Variants in FBXW11 observed in about 807,000 individuals in gnomAD.
FBXW11 encodes F-box and WD repeat domain containing 11, also known as F-box/WD repeat-containing protein 11.
FBXW11 carries 19 observed loss-of-function variants against 77.6 expected under a neutral mutation model. That is an observed-to-expected ratio of 0.24 (90% CI 0.17 to 0.36). The LOEUF is 0.36. Among genes scored for constraint, FBXW11 ranks in the 10% least tolerant of loss-of-function variants. FBXW11 has a pLI of 1.00. For synonymous variants in FBXW11, 235 were observed against 249.4 expected, an observed-to-expected ratio of 0.94 and a Z score of 0.54; for missense variants, 334 against 704.2, an observed-to-expected ratio of 0.47 and a Z score of 5.95.
In FBXW11 at chr5:171,925,321, T is replaced by C. The variant is rs189268596; in HGVS notation, c.148-10916A>G. Among the ~76,000 whole-genome samples, 211 of 152,342 alleles carry C rather than the reference T, an allele frequency of 1.4e-3. 1 individual carries two copies. The highest frequency in any genetic ancestry group is 5.0e-3 in the African/African-American group (206 of 41,580). ...CTTTTCAGTTTGCTTTCAATTCTAATTTCATCAAAAGATATTTTCACACCT... is the reference window on the plus strand; with the variant it reads ...CTTTTCAGTTTGCTTTCAATTCTAACTTCATCAAAAGATATTTTCACACCT... On this transcript the variant is annotated intron_variant, in intron 2 of 13. Coordinates refer to ENST00000517395, the MANE Select transcript of FBXW11 (RefSeq NM_001378974.1).
Position 171,936,166 on chromosome 5 carries a change from A to C in FBXW11, c.147+21431T>G, listed in dbSNP as rs530737817. On this transcript the variant is annotated intron_variant, in intron 2 of 13. Transcript: ENST00000517395. ...CAAGTCTGAAGATAACAGAAGAATC[A>C]CATGTCATATTCAGACAAAGAAATA... is the stretch of plus-strand genomic sequence containing the variant. Among the ~76,000 whole-genome samples the C allele has an allele frequency of 7.3e-5, 11 of 151,682 alleles. No homozygotes were observed. The South Asian group carries it at 2.1e-3, about 29-fold the overall frequency.
intron 12 of FBXW11, 60 bp from the exon 13 acceptor site, chr5:171,868,856 A>G (rs559880837): frequency 2.0e-6 from 3 of 1,477,024 alleles, no homozygotes; most frequent in South Asian, 2.6e-5. Context: ...ATATCTCACA[A>G]TGAGAAACTG....
chr5:171,929,959 C>T (rs1410372707), intron 2 of FBXW11, among the ~76,000 whole-genome samples: 3 of 152,184 alleles, frequency 2.0e-5, no homozygotes, highest in African/African-American at 4.8e-5. Flanking sequence ...AAAGCTCAAG[C>T]TCTCAGTATA....
intron 1 of FBXW11, among the ~76,000 whole-genome samples, chr5:172,000,944 A>C (rs911523394): frequency 1.3e-5 from 2 of 152,212 alleles, no homozygotes; most frequent in Non-Finnish European, 2.9e-5. Context: ...GCAAACCTGC[A>C]CCAACTGATG....
chr5:171,902,628 A>G lies in FBXW11; in HGVS notation c.437-2528T>C, dbSNP rs530201210. ...TTAAAACCAGGAAGTCTGCTCATCAATCATCTCTGGTGCTATCATGCAAGA... is the reference window on the plus strand; with the variant it reads ...TTAAAACCAGGAAGTCTGCTCATCAGTCATCTCTGGTGCTATCATGCAAGA... On this transcript the variant is annotated intron_variant, in intron 4 of 13. Transcript: ENST00000517395. 5.3e-5 allele frequency among the ~76,000 whole-genome samples: 8 copies of G among 152,178 alleles called. 1 individual carries two copies. In the South Asian group the frequency reaches 6.2e-4, roughly 12 times the overall value.
chr5:171,889,075 A>C (rs1037897285), intron 7 of FBXW11, among the ~76,000 whole-genome samples: 1 of 152,174 alleles, frequency 6.6e-6, no homozygotes, highest in African/African-American at 2.4e-5. Context: ...ATTGGTACAG[A>C]AAAAAATATT....
chr5:171,989,681 G>A (rs961279054), intron 1 of FBXW11, among the ~76,000 whole-genome samples: 1 of 152,206 alleles, frequency 6.6e-6, no homozygotes, highest in Non-Finnish European at 1.5e-5. Flanking sequence ...TCTTAAAAAA[G>A]AGTACAAGAA....
At chr5:171,867,536 A>G (rs1345962271) in intron 13 of FBXW11, among the ~76,000 whole-genome samples, 1 of 150,942 alleles carries the variant, frequency 6.6e-6, no homozygotes, top group Non-Finnish European at 1.5e-5. Flanking sequence ...GCCCCTGGTT[A>G]TATAGTTTCT....
intron 7 of FBXW11, among the ~76,000 whole-genome samples, chr5:171,882,101 T>C (rs1443978896): frequency 2.0e-5 from 3 of 152,256 alleles, no homozygotes; most frequent in African/African-American, 7.2e-5. Flanking sequence ...ACTCTTTTAT[T>C]CTGCTTACTA....
In FBXW11 at chr5:171,893,421, C is replaced by CAAAAAAAAAAAAAAAAAAAAAAAA. The variant is rs397999920; in HGVS notation, c.715-1841_715-1818dup. On this transcript the variant is annotated intron_variant, in intron 6 of 13. Transcript: ENST00000517395. Reference sequence around the variant, plus strand: ...GACATACAAAAGCACACTTCAAAACCAAAAAAAAAAAAAAAAAAAAAAAAA... The same window carrying CAAAAAAAAAAAAAAAAAAAAAAAA: ...GACATACAAAAGCACACTTCAAAACCAAAAAAAAAAAAAAAAAAAAAAAAAAAAAAAAAAAAAAAAAAAAAAAAA... Among the ~76,000 whole-genome samples the CAAAAAAAAAAAAAAAAAAAAAAAA allele has an allele frequency of 1.5e-3, 60 of 39,838 alleles. 17 individuals carry two copies. Among genetic ancestry groups the CAAAAAAAAAAAAAAAAAAAAAAAA allele is most frequent in the Admixed American group, 4.3e-3 (8 of 1,844 alleles). The allele number at this position is 39,838 out of a possible 152,430, so 26.1% of individuals were successfully genotyped here. A position where few individuals can be genotyped will look rare whatever the true frequency, so the allele number is the denominator to read the frequency against.
chr5:171,939,696 CAAA>C lies in FBXW11; in HGVS notation c.147+17898_147+17900del, dbSNP rs58051402. ...TGGGCTACACAGCAAGACCCTGTCT[CAAA>C]AAAAAAAAAAAAAAAAAAAGAAAGA... On this transcript the variant is annotated intron_variant, in intron 2 of 13. Transcript: ENST00000517395. Among the ~76,000 whole-genome samples, 454 of 80,062 alleles carry C rather than the reference CAAA, an allele frequency of 5.7e-3. 3 individuals carry two copies. Among genetic ancestry groups the C allele is most frequent in the African/African-American group, 0.018 (427 of 23,568 alleles). The allele number at this position is 80,062 out of a possible 152,430, so 52.5% of individuals were successfully genotyped here. A position where few individuals can be genotyped will look rare whatever the true frequency, so the allele number is the denominator to read the frequency against.
chr5:171,985,268 T>C (rs1380466451), intron 1 of FBXW11, among the ~76,000 whole-genome samples: 1 of 152,148 alleles, frequency 6.6e-6, no homozygotes, highest in African/African-American at 2.4e-5. Flanking sequence ...GCTCTAATGT[T>C]CACAGTCACC....
chr5:171,945,426 A>C (rs568920692), intron 2 of FBXW11, among the ~76,000 whole-genome samples: 1 of 152,356 alleles, frequency 6.6e-6, no homozygotes, highest in South Asian at 2.1e-4. Context: ...CACTACATAG[A>C]AGGTAGATAC....
chr5:171,925,773 A>G (rs1441314988), intron 2 of FBXW11, among the ~76,000 whole-genome samples: 1 of 152,190 alleles, frequency 6.6e-6, no homozygotes, highest in African/African-American at 2.4e-5. Context: ...TCATGTAGTG[A>G]TTACAGTTCC....
chr5:171,921,565 C>G (rs182934912), intron 2 of FBXW11, among the ~76,000 whole-genome samples: 1 of 152,094 alleles, frequency 6.6e-6, no homozygotes, highest in Non-Finnish European at 1.5e-5. Flanking sequence ...TAAAACAAAG[C>G]TGAATTGAGA....
At chr5:171,981,178 G>C (rs1322972263) in intron 1 of FBXW11, among the ~76,000 whole-genome samples, 1 of 151,818 alleles carries the variant, frequency 6.6e-6, no homozygotes, top group Non-Finnish European at 1.5e-5. Flanking sequence ...GCAGGGTTCA[G>C]AGAACTTCTG....
intron 3 of FBXW11, 28 bp from the exon 4 acceptor site, chr5:171,910,825 A>C (rs377529957): frequency 1.4e-6 from 2 of 1,442,770 alleles, no homozygotes; most frequent in Non-Finnish European, 1.9e-6. Flanking sequence ...AAAAAAAATT[A>C]GTTTAACAAG....
intron 1 of FBXW11, among the ~76,000 whole-genome samples, chr5:171,982,840 T>C (rs935846128): frequency 1.3e-5 from 2 of 152,054 alleles, no homozygotes; most frequent in African/African-American, 4.8e-5. Flanking sequence ...CTCTAATCTT[T>C]AAGATCCTCT....
At position 171,862,618 on chromosome 5, in the gene FBXW11, T is replaced by A. The variant is rs1757158550; in HGVS notation, c.*1509A>T. ...CAATTGGATGCCAACGTCCTTTCCA[T>A]GCACTGTCAGGGCAACAGTGCCATT... On this transcript the variant is annotated 3_prime_UTR_variant, in exon 14 of 14. Transcript: ENST00000517395. 1 of 152,706 alleles carries A rather than the reference T, an allele frequency of 6.5e-6. No homozygotes were observed. Among genetic ancestry groups the A allele is most frequent in the Non-Finnish European group, 1.5e-5 (1 of 68,056 alleles). The allele number at this position is 152,706 out of a possible 1,614,324, so 9.5% of individuals were successfully genotyped here.
Sources: allele counts gnomAD v4.1 joint callset (sites outside exome capture counted in the v4.1 genomes callset), GRCh38; gene constraint gnomAD v4.1.1; transcripts MANE v1.5; gene names NCBI Gene and HGNC (gene_info 2026-07-23, HGNC 2026-07-21).